Variants in NBEA observed in about 807,000 individuals in gnomAD.
The protein encoded by NBEA is lysosomal-trafficking regulator 2.
NBEA carries 44 observed loss-of-function variants against 343.4 expected under a neutral mutation model. The ratio of observed to expected loss-of-function variants is 0.13; its 90% CI spans 0.10 to 0.16. The LOEUF (loss-of-function observed/expected upper bound fraction) is 0.16. Among genes scored for constraint, NBEA ranks in the 10% least tolerant of loss-of-function variants. The probability of loss-of-function intolerance (pLI) is 1.00; values close to 1 mark genes in which losing one functional copy is unlikely to be tolerated. For missense variants in NBEA, 2,555 were observed against 3,631.3 expected (o/e 0.70, Z 7.62); for synonymous variants, 1,175 against 1,238.7 (o/e 0.95, Z 1.08).
At chr13:35,502,011 A>G (rs1374885910) in intron 41 of NBEA, among the ~76,000 whole-genome samples, 1 of 152,162 alleles carries the variant, frequency 6.6e-6, no homozygotes, top group African/African-American at 2.4e-5. Flanking sequence ...AGCACCTGCT[A>G]GTGCTAGGGA....
intron 41 of NBEA, among the ~76,000 whole-genome samples, chr13:35,516,474 T>C (rs2152989732): frequency 6.6e-6 from 1 of 152,290 alleles, no homozygotes; most frequent in Non-Finnish European, 1.5e-5. Context: ...AACTAGAATT[T>C]CCATTTTAGT....
chr13:35,582,272 C>T (rs1474363072), intron 45 of NBEA, among the ~76,000 whole-genome samples: 3 of 151,642 alleles, frequency 2.0e-5, no homozygotes, highest in African/African-American at 4.8e-5. Context: ...GGCAACAGTG[C>T]GAGACTCCAT....
At chr13:35,294,878 C>A (rs74048986) in intron 35 of NBEA, among the ~76,000 whole-genome samples, 11,026 of 151,500 alleles carry the variant, frequency 0.073, 445 homozygotes, top group South Asian at 0.12. Flanking sequence ...GCATAAGCAG[C>A]GGAGAATTGG....
chr13:35,307,158 C>G (rs2036945714), intron 35 of NBEA, among the ~76,000 whole-genome samples: 1 of 151,936 alleles, frequency 6.6e-6, no homozygotes, highest in Non-Finnish European at 1.5e-5. Flanking sequence ...AATTCAGATT[C>G]TCATCTAGTC....
intron 1 of NBEA, among the ~76,000 whole-genome samples, chr13:35,036,003 T>C (rs1271550461): frequency 7.9e-5 from 12 of 152,038 alleles, no homozygotes; most frequent in Non-Finnish European, 1.3e-4. Flanking sequence ...GTTTAGTGTA[T>C]TTACATTCAA....
intron 46 of NBEA, among the ~76,000 whole-genome samples, chr13:35,588,676 T>C (rs2081394117): frequency 6.6e-6 from 1 of 152,152 alleles, no homozygotes; most frequent in Non-Finnish European, 1.5e-5. Flanking sequence ...CTTATAGCAG[T>C]GTTTGGAGTT....
At chr13:34,944,707 A>C (rs1029200603) in intron 1 of NBEA, among the ~76,000 whole-genome samples, 4 of 152,210 alleles carry the variant, frequency 2.6e-5, no homozygotes, top group African/African-American at 9.6e-5. Context: ...TTAGTATGTT[A>C]GCAGGTAACT....
At chr13:35,079,332 A>T (rs1050786080) in intron 10 of NBEA, among the ~76,000 whole-genome samples, 7 of 152,332 alleles carry the variant, frequency 4.6e-5, no homozygotes, top group Middle Eastern at 3.4e-3. Context: ...AGTAAAAATT[A>T]AAAATGTAAT....
Position 35,208,830 on chromosome 13 carries a change from C to T in NBEA, c.5497C>T (p.Pro1833Ser). 6.2e-7 allele frequency: 1 copy of T among 1,602,486 alleles called. No individual in the cohort carries two copies. The highest frequency in any genetic ancestry group is 8.5e-7 in the Non-Finnish European group (1 of 1,173,326). Residue 1833 changes from proline to serine, a missense_variant, in exon 32 of 59, where the codon CCA (proline) becomes TCA (serine). By Grantham distance (74) the Pro-to-Ser change is moderately conservative (BLOSUM62 -1). Coordinates refer to ENST00000379939, the MANE Select transcript of NBEA (RefSeq NM_001385012.1). ...SNIFAATGAT[P>S]KSMINTTGAV... ...TATATTTGCTGCTACTGGAGCTACA[C>T]CAAAAAGTATGATTAATACAACAGG...
At chr13:35,368,542 C>T (rs1467103208) in intron 38 of NBEA, among the ~76,000 whole-genome samples, 3 of 151,636 alleles carry the variant, frequency 2.0e-5, no homozygotes, top group African/African-American at 4.8e-5. Flanking sequence ...TCTCATCCAT[C>T]TTCACACAAT....
chr13:35,329,843 A>G (rs2152847166), intron 36 of NBEA, among the ~76,000 whole-genome samples: 1 of 109,130 alleles, frequency 9.2e-6, no homozygotes, highest in East Asian at 2.7e-4. Flanking sequence ...GTAGCATTTC[A>G]TTACTTATAA....
intron 1 of NBEA, among the ~76,000 whole-genome samples, chr13:35,028,615 A>G (rs928980703): frequency 4.0e-5 from 6 of 151,624 alleles, no homozygotes; most frequent in Non-Finnish European, 5.9e-5. Context: ...TTCCTTTTAG[A>G]TCTCTGTATC....
At chr13:35,198,697 G>T (rs1453504940) in intron 31 of NBEA, among the ~76,000 whole-genome samples, 1 of 151,634 alleles carries the variant, frequency 6.6e-6, no homozygotes, top group Non-Finnish European at 1.5e-5. Flanking sequence ...AGTCTCTAGT[G>T]TAGTTAATAT....
intron 48 of NBEA, among the ~76,000 whole-genome samples, chr13:35,616,808 A>C (rs895066904): frequency 1.3e-5 from 2 of 152,238 alleles, no homozygotes; most frequent in Non-Finnish European, 2.9e-5. Context: ...CAGTTTAAGA[A>C]CTGACTTCTG....
intron 1 of NBEA, among the ~76,000 whole-genome samples, chr13:34,989,439 A>G (rs1165316131): frequency 1.3e-5 from 2 of 151,006 alleles, no homozygotes; most frequent in Non-Finnish European, 3.0e-5. Flanking sequence ...AAGGGGAAAC[A>G]GACACATCTT....
chr13:35,048,752 A>G, intron 5 of NBEA, 68 bp downstream of exon 5: 1 of 873,902 alleles, frequency 1.1e-6, no homozygotes. Context: ...GTATAGTCTC[A>G]AGGCAACTTA....
intron 34 of NBEA, among the ~76,000 whole-genome samples, chr13:35,239,025 A>T (rs2075364105): frequency 6.6e-6 from 1 of 152,128 alleles, no homozygotes; most frequent in South Asian, 2.1e-4. Flanking sequence ...AAAATTATAG[A>T]CTAAAATATA....
At chr13:35,139,756 T>TTG (rs1555316344) in intron 17 of NBEA, among the ~76,000 whole-genome samples, 7 of 141,708 alleles carry the variant, frequency 4.9e-5, no homozygotes, top group Admixed American at 7.1e-5. Flanking sequence ...TTTTTTTTTT[T>TTG]TTTTTTTTTT....
At position 35,561,425 on chromosome 13, in the gene NBEA, G is replaced by T. The variant is rs143564890; in HGVS notation, c.6923-5480G>T. ...CATGTTTAAAAATATAGGTCAATGT[G>T]ACCTAATAAATTTCATATTTTCTAT... is the stretch of plus-strand genomic sequence containing the variant. On this transcript the variant is annotated intron_variant, in intron 44 of 58. Coordinates refer to ENST00000379939, the MANE Select transcript of NBEA (RefSeq NM_001385012.1). Among the ~76,000 whole-genome samples, 303 of 152,066 alleles carry T rather than the reference G, an allele frequency of 2.0e-3. 1 individual carries two copies. The highest frequency in any genetic ancestry group is 3.2e-3 in the Non-Finnish European group (216 of 67,976).
Sources: allele counts gnomAD v4.1 joint callset (sites outside exome capture counted in the v4.1 genomes callset), GRCh38; gene constraint gnomAD v4.1.1; transcripts MANE v1.5; gene names NCBI Gene and HGNC (gene_info 2026-07-23, HGNC 2026-07-21).